Variants in FSTL5 observed in about 807,000 individuals in gnomAD.
FSTL5 encodes the protein follistatin like 5.
FSTL5 carries 62 observed loss-of-function variants against 89.1 expected under a neutral mutation model. The ratio of observed to expected loss-of-function variants is 0.70; its 90% confidence interval spans 0.57 to 0.86. The LOEUF is 0.86. Among genes scored for constraint, FSTL5 ranks in the 40% least tolerant of loss-of-function variants. The probability of loss-of-function intolerance (pLI) is 0.00; values close to 1 mark genes in which losing one functional copy is unlikely to be tolerated. For synonymous variants in FSTL5, 383 were observed against 346.2 expected (o/e 1.11, Z -1.18); for missense variants, 1,057 against 1,001.6 (o/e 1.06, Z -0.75).
chr4:161,578,856 C>T (rs1334367909), intron 8 of FSTL5, among the ~76,000 whole-genome samples: 2 of 151,724 alleles, frequency 1.3e-5, no homozygotes, highest in African/African-American at 4.8e-5. Context: ...CCAAAAACTG[C>T]CTACTTAGAA....
chr4:161,739,783 G>T (rs1414102548), intron 6 of FSTL5, among the ~76,000 whole-genome samples: 1 of 151,930 alleles, frequency 6.6e-6, no homozygotes, highest in Non-Finnish European at 1.5e-5. Flanking sequence ...TTTCGTGCAA[G>T]TTTAAAACAT....
At chr4:162,026,304 C>CCTTTTTTTTTTTTT (rs1737280662) in intron 3 of FSTL5, among the ~76,000 whole-genome samples, 1 of 79,474 alleles carries the variant, frequency 1.3e-5, no homozygotes, top group African/African-American at 4.9e-5. Context: ...TATGTATTTT[C>CCTTTTTTTTTTTTT]TTTTTTTTTT....
At chr4:161,455,184 G>C in intron 14 of FSTL5, 56 bp from the exon 15 acceptor site, 1 of 1,384,498 alleles carries the variant, frequency 7.2e-7, no homozygotes, top group Admixed American at 2.7e-5. Context: ...CATAGTATAA[G>C]CTTTAATTTT....
intron 8 of FSTL5, among the ~76,000 whole-genome samples, chr4:161,574,590 C>G (rs1463439402): frequency 6.6e-6 from 1 of 152,106 alleles, no homozygotes; most frequent in African/African-American, 2.4e-5. Flanking sequence ...TCAACTCCCA[C>G]TTATGAGTGA....
intron 3 of FSTL5, among the ~76,000 whole-genome samples, chr4:161,994,423 G>T (rs1247391838): frequency 6.6e-6 from 1 of 152,146 alleles, no homozygotes; most frequent in Admixed American, 6.5e-5. Context: ...GGGTCGAATG[G>T]CAGTTCTGCT....
intron 2 of FSTL5, among the ~76,000 whole-genome samples, chr4:162,034,873 C>G (rs1737670946): frequency 6.6e-6 from 1 of 152,070 alleles, no homozygotes. Flanking sequence ...TGATATAATT[C>G]TGTTAGACTT....
At chr4:161,863,384 G>A (rs192984188) in intron 4 of FSTL5, among the ~76,000 whole-genome samples, 2 of 152,124 alleles carry the variant, frequency 1.3e-5, no homozygotes, top group African/African-American at 2.4e-5. Context: ...AGATGTGCAG[G>A]AGGGTGAATG....
intron 2 of FSTL5, among the ~76,000 whole-genome samples, chr4:162,053,369 A>G (rs1312802847): frequency 6.6e-6 from 1 of 151,786 alleles, no homozygotes; most frequent in Non-Finnish European, 1.5e-5. Flanking sequence ...GTCTTTTTTT[A>G]GTAACGCCTT....
At chr4:161,386,898 A>C (rs1000123848) in intron 15 of FSTL5, 1 of 158,076 alleles carries the variant, frequency 6.3e-6, no homozygotes, top group African/African-American at 2.4e-5. Context: ...CCATTAAATA[A>C]ATCTGACACT....
chr4:161,843,024 A>C (rs1340034778), intron 4 of FSTL5, among the ~76,000 whole-genome samples: 1 of 152,178 alleles, frequency 6.6e-6, no homozygotes, highest in East Asian at 1.9e-4. Context: ...TAAAATTGTT[A>C]AGCTGTTGCA....
intron 7 of FSTL5, among the ~76,000 whole-genome samples, chr4:161,607,345 C>G (rs72687584): frequency 1.4e-4 from 22 of 151,906 alleles, no homozygotes; most frequent in African/African-American, 5.3e-4. Flanking sequence ...GTTGTTGACC[C>G]AGCTGCCTTT....
intron 15 of FSTL5, among the ~76,000 whole-genome samples, chr4:161,441,648 G>A (rs1219459020): frequency 6.6e-6 from 1 of 152,046 alleles, no homozygotes; most frequent in Non-Finnish European, 1.5e-5. Context: ...AAGCAATTTA[G>A]GAGATTTAAA....
chr4:161,423,526 A>G (rs1010697373), intron 15 of FSTL5, among the ~76,000 whole-genome samples: 1 of 151,918 alleles, frequency 6.6e-6, no homozygotes, highest in Non-Finnish European at 1.5e-5. Context: ...AGTTTTCTTC[A>G]TATCTTTTAT....
intron 7 of FSTL5, among the ~76,000 whole-genome samples, chr4:161,628,467 A>G (rs1735388305): frequency 1.3e-5 from 2 of 152,190 alleles, no homozygotes; most frequent in African/African-American, 2.4e-5. Flanking sequence ...CACAAATTGC[A>G]GCTCCATTTT....
chr4:161,467,625 T>C (rs1307184964), intron 13 of FSTL5, among the ~76,000 whole-genome samples: 1 of 152,120 alleles, frequency 6.6e-6, no homozygotes, highest in Non-Finnish European at 1.5e-5. Flanking sequence ...TGAATGATTT[T>C]CAAGTATAAA....
chr4:161,556,844 G>GTATATA (rs962466232), intron 8 of FSTL5, among the ~76,000 whole-genome samples: 2 of 144,780 alleles, frequency 1.4e-5, no homozygotes, highest in Admixed American at 1.4e-4. Context: ...GTGTGTGTGT[G>GTATATA]TGTATATATA....
rs1322906442 is a variant in FSTL5, at chr4:162,141,744, AG to A, written c.-17+21870del. ...GATACTTATGTTTGAGGGGCTTCAC[AG>A]ATATTCAAATGTATATGTAGAGAAA... On this transcript the variant is annotated intron_variant, in intron 1 of 15. Transcript: ENST00000306100. Among the ~76,000 whole-genome samples, 3 of 152,176 alleles carry A rather than the reference AG, an allele frequency of 2.0e-5. No homozygotes were observed. The East Asian group carries it at 5.8e-4, about 29-fold the overall frequency.
intron 4 of FSTL5, among the ~76,000 whole-genome samples, chr4:161,842,736 A>G (rs1240586512): frequency 1.3e-5 from 2 of 152,098 alleles, no homozygotes; most frequent in Non-Finnish European, 2.9e-5. Flanking sequence ...ATATTTCTGT[A>G]AGCAATAAGT....
intron 2 of FSTL5, among the ~76,000 whole-genome samples, chr4:162,049,070 T>C (rs977664269): frequency 9.2e-5 from 14 of 152,176 alleles, no homozygotes; most frequent in African/African-American, 3.4e-4. Flanking sequence ...AATATATATA[T>C]ATGAGTTTAA....
Sources: allele counts gnomAD v4.1 joint callset (sites outside exome capture counted in the v4.1 genomes callset), GRCh38; gene constraint gnomAD v4.1.1; transcripts MANE v1.5; gene names NCBI Gene and HGNC (gene_info 2026-07-23, HGNC 2026-07-21).